KIAA1217: variants seen among roughly 807,000 people sequenced by gnomAD.
KIAA1217 encodes sickle tail protein homolog.
In KIAA1217, 88 loss-of-function variants were observed where a neutral mutation model predicts 163.9. The observed-to-expected ratio is 0.54, with a 90% confidence interval of 0.45 to 0.64. KIAA1217 has a LOEUF of 0.64. Among genes scored for constraint, KIAA1217 ranks in the 30% least tolerant of loss-of-function variants. The probability of loss-of-function intolerance (pLI) is 0.00; values close to 1 mark genes in which losing one functional copy is unlikely to be tolerated. For synonymous variants in KIAA1217, 903 were observed against 923.1 expected, an observed-to-expected ratio of 0.98 and a Z score of 0.39; for missense variants, 2,372 against 2,475.0, an observed-to-expected ratio of 0.96 and a Z score of 0.88.
chr10:24,425,799 A>T (rs73604477), intron 3 of KIAA1217, among the ~76,000 whole-genome samples: 2,398 of 152,326 alleles, frequency 0.016, 67 homozygotes, highest in African/African-American at 0.054. Context: ...TGATACATTG[A>T]CAAATAACCC....
At chr10:23,731,657 T>C (rs1373031595) in intron 1 of KIAA1217, among the ~76,000 whole-genome samples, 1 of 152,086 alleles carries the variant, frequency 6.6e-6, no homozygotes, top group African/African-American at 2.4e-5. Context: ...GAGAACTCAG[T>C]TTTCGTCCTT....
chr10:24,286,615 T>C (rs986343362), intron 2 of KIAA1217, among the ~76,000 whole-genome samples: 2 of 152,090 alleles, frequency 1.3e-5, no homozygotes, highest in African/African-American at 4.8e-5. Context: ...AGGCAGAAAA[T>C]TTCAAGGACA....
intron 1 of KIAA1217, among the ~76,000 whole-genome samples, chr10:23,975,839 T>C (rs563138023): frequency 6.6e-6 from 1 of 152,312 alleles, no homozygotes; most frequent in South Asian, 2.1e-4. Flanking sequence ...ACATGAATTA[T>C]TTATCTAGAA....
At chr10:24,174,298 G>T (rs1175806790) in intron 2 of KIAA1217, among the ~76,000 whole-genome samples, 1 of 152,212 alleles carries the variant, frequency 6.6e-6, no homozygotes. Context: ...TGGGCAGCTT[G>T]TCCTTCACCA....
intron 1 of KIAA1217, among the ~76,000 whole-genome samples, chr10:23,856,429 G>A (rs1034732222): frequency 3.3e-5 from 5 of 152,222 alleles, no homozygotes; most frequent in South Asian, 2.1e-4. Flanking sequence ...CTACTGGAGG[G>A]TGCCTCCCAG....
chr10:23,967,896 TAAA>T (rs1845133921), intron 1 of KIAA1217, among the ~76,000 whole-genome samples: 1 of 134,642 alleles, frequency 7.4e-6, no homozygotes, highest in Non-Finnish European at 1.5e-5. Context: ...AATAATATAT[TAAA>T]TGTGTGTGTG....
At chr10:24,359,709 A>G (rs1279029574) in intron 2 of KIAA1217, among the ~76,000 whole-genome samples, 2 of 152,204 alleles carry the variant, frequency 1.3e-5, no homozygotes, top group Non-Finnish European at 2.9e-5. Flanking sequence ...TCCTTAGGAA[A>G]TTAGAAATTC....
intron 2 of KIAA1217, among the ~76,000 whole-genome samples, chr10:24,161,219 G>T (rs1199315253): frequency 6.6e-6 from 1 of 152,130 alleles, no homozygotes; most frequent in Non-Finnish European, 1.5e-5. Context: ...CATGTTCTGG[G>T]AAACTCCTTC....
Position 24,089,187 on chromosome 10 carries a change from G to T in KIAA1217, c.-171+81813G>T. ...TTTGTTTGTGTTCTTTGTAGATTCT[G>T]GATATTAGCCCTTTGTCAGATGAGT... On this transcript the variant is annotated intron_variant, in intron 2 of 18. Transcript: ENST00000376462. 1.6e-5 allele frequency among the ~76,000 whole-genome samples: 2 copies of T among 124,610 alleles called. 1 individual carries two copies. Among genetic ancestry groups the T allele is most frequent in the Non-Finnish European group, 4.0e-5 (2 of 50,458 alleles). 81.7% of individuals were successfully genotyped at this position (124,610 alleles called of 152,430 possible).
At chr10:24,101,639 T>G (rs2062419622) in intron 2 of KIAA1217, among the ~76,000 whole-genome samples, 1 of 152,236 alleles carries the variant, frequency 6.6e-6, no homozygotes. Flanking sequence ...TTCAATGATT[T>G]CGATATACTG....
chr10:24,387,566 A>G (rs1456017418), intron 3 of KIAA1217, among the ~76,000 whole-genome samples: 2 of 152,180 alleles, frequency 1.3e-5, no homozygotes, highest in Non-Finnish European at 2.9e-5. Context: ...CAATCAGGCA[A>G]GAGAAAGAAA....
chr10:24,340,308 G>C (rs932610298), intron 2 of KIAA1217, among the ~76,000 whole-genome samples: 9 of 152,138 alleles, frequency 5.9e-5, no homozygotes, highest in Admixed American at 5.9e-4. Context: ...CATGGGGGCA[G>C]CTTCTCCCAT....
intron 1 of KIAA1217, among the ~76,000 whole-genome samples, chr10:23,783,942 A>G (rs58902741): frequency 3.2e-3 from 485 of 151,146 alleles, no homozygotes; most frequent in African/African-American, 0.011. Flanking sequence ...ATTTATTTGA[A>G]TCTTTCTTTT....
chr10:24,466,708 A>G lies in KIAA1217; in HGVS notation c.847-6520A>G, dbSNP rs554775953. ...AACCAAGGATTTAGATGAAGCCAGC[A>G]AACAAAGGAATCATGTAATCAGGAC... On this transcript the variant is annotated intron_variant, in intron 5 of 20. Transcript: ENST00000376454. 6.1e-6 allele frequency: 6 copies of G among 985,344 alleles called. No homozygotes were observed. In the Admixed American group the frequency reaches 2.5e-4, roughly 40 times the overall value. 61.0% of individuals were successfully genotyped at this position (985,344 alleles called of 1,614,324 possible).
chr10:24,205,845 T>A (rs1190153642), upstream of KIAA1217, among the ~76,000 whole-genome samples: 4 of 152,208 alleles, frequency 2.6e-5, no homozygotes, highest in African/African-American at 9.6e-5. Flanking sequence ...CACAACCCTA[T>A]AATTGGCCTG....
intron 12 of KIAA1217, among the ~76,000 whole-genome samples, chr10:24,522,440 A>G (rs2071429996): frequency 6.6e-6 from 1 of 152,264 alleles, no homozygotes; most frequent in Non-Finnish European, 1.5e-5. Context: ...TTCAGTTCAA[A>G]GAAATGTAAT....
chr10:23,768,657 A>G (rs569846413), intron 1 of KIAA1217, among the ~76,000 whole-genome samples: 8 of 152,312 alleles, frequency 5.3e-5, no homozygotes, highest in African/African-American at 1.9e-4. Context: ...TTGATGTTTT[A>G]ATGGAGCAAT....
chr10:24,078,239 G>C (rs192287879), intron 2 of KIAA1217, among the ~76,000 whole-genome samples: 1 of 152,276 alleles, frequency 6.6e-6, no homozygotes, highest in African/African-American at 2.4e-5. Flanking sequence ...ATTATTCAGG[G>C]AAGGATTTCA....
intron 2 of KIAA1217, among the ~76,000 whole-genome samples, chr10:24,249,317 T>C (rs1364957832): frequency 1.3e-5 from 2 of 152,084 alleles, no homozygotes; most frequent in East Asian, 1.9e-4. Flanking sequence ...ACCTGAAAAA[T>C]AGTAAGAAAC....
Sources: gnomAD v4.1 joint callset for allele counts (sites outside exome capture counted in the v4.1 genomes callset) on GRCh38, gnomAD v4.1.1 for gene constraint, MANE v1.5 for transcripts, NCBI Gene and HGNC (gene_info 2026-07-23, HGNC 2026-07-21) for gene names.